The following JAM2 variants were observed in gnomAD, a reference collection of about 807,000 sequenced individuals.
The protein encoded by JAM2 is junctional adhesion molecule 2.
In JAM2, 17 loss-of-function variants were observed where a neutral mutation model predicts 42.0. The ratio of observed to expected loss-of-function variants is 0.40; its 90% confidence interval spans 0.28 to 0.61. JAM2 has a LOEUF of 0.61. Ranked by LOEUF, JAM2 falls within the 20% of genes least tolerant of loss-of-function variation. The pLI, the probability that JAM2 is intolerant of heterozygous loss-of-function variation, is 0.37. For missense variants in JAM2, 319 were observed against 358.3 expected (o/e 0.89, Z 0.89); for synonymous variants, 118 against 128.6 (o/e 0.92, Z 0.56).
intron 1 of JAM2, among the ~76,000 whole-genome samples, chr21:25,656,285 C>T (rs537012954): frequency 1.0e-3 from 155 of 152,314 alleles, no homozygotes; most frequent in African/African-American, 3.5e-3. Flanking sequence ...CACCCCCAGG[C>T]TCCTTCTAAA....
chr21:25,678,471 T>A (rs1457266752), intron 1 of JAM2, among the ~76,000 whole-genome samples: 1 of 152,158 alleles, frequency 6.6e-6, no homozygotes, highest in Non-Finnish European at 1.5e-5. Flanking sequence ...ACAGCTGCTA[T>A]GTGATCAAAG....
chr21:25,677,661 A>T (rs529492183), intron 1 of JAM2, among the ~76,000 whole-genome samples: 2 of 152,212 alleles, frequency 1.3e-5, no homozygotes, highest in Admixed American at 6.5e-5. Context: ...ATGTTTGAAA[A>T]GTTCAAAGGT....
chr21:25,680,214 A>T (rs1016216333), intron 1 of JAM2, among the ~76,000 whole-genome samples: 1 of 152,210 alleles, frequency 6.6e-6, no homozygotes, highest in Non-Finnish European at 1.5e-5. Flanking sequence ...ATGTTTGCCT[A>T]AATTGTGAAT....
At chr21:25,641,357 T>C (rs2032435820) in intron 1 of JAM2, among the ~76,000 whole-genome samples, 1 of 152,142 alleles carries the variant, frequency 6.6e-6, no homozygotes, top group South Asian at 2.1e-4. Context: ...ATCACCAACA[T>C]AGAAACAATA....
rs771745245 is a variant in JAM2 at position 25,693,767 on chromosome 21, A to G, written c.253A>G (p.Asn85Asp). 6.2e-7 allele frequency: 1 copy of G among 1,613,564 alleles called. No homozygotes were observed. The highest frequency in any genetic ancestry group is 8.5e-7 in the Non-Finnish European group (1 of 1,179,638). ...TCTTTTTCTAAAAGGTGATTTTAAA[A>G]ATCGAGCTGAGATGATAGATTTCAA... ...YQQTLQGDFK[N>D]RAEMIDFNIR... Residue 85 changes from asparagine (N) to aspartate (D), a missense_variant, in exon 4 of 10, where the codon AAT becomes GAT. Coordinates refer to ENST00000480456, the MANE Select transcript of JAM2 (RefSeq NM_021219.4).
intron 7 of JAM2, among the ~76,000 whole-genome samples, chr21:25,706,946 G>A (rs951347440): frequency 2.0e-5 from 3 of 151,916 alleles, no homozygotes; most frequent in Admixed American, 6.6e-5. Flanking sequence ...CATCGTGTTA[G>A]CCGGGATGGT....
intron 4 of JAM2, among the ~76,000 whole-genome samples, chr21:25,696,096 A>C (rs547440853): frequency 1.8e-4 from 27 of 152,334 alleles, no homozygotes; most frequent in Admixed American, 1.3e-3. Context: ...AGCCTGGGCA[A>C]CACTGAGCAC....
intron 1 of JAM2, among the ~76,000 whole-genome samples, chr21:25,673,379 A>G (rs1031514897): frequency 2.4e-4 from 36 of 152,202 alleles, no homozygotes; most frequent in African/African-American, 8.4e-4. Flanking sequence ...CTTTATCCTC[A>G]ATTCTGAATC....
intron 1 of JAM2, among the ~76,000 whole-genome samples, chr21:25,666,063 G>A (rs1178867993): frequency 1.3e-5 from 2 of 151,694 alleles, no homozygotes; most frequent in East Asian, 3.9e-4. Context: ...ATAATAAAAT[G>A]TTAATCTCAT....
chr21:25,698,377 T>C (rs1186275296), intron 4 of JAM2, among the ~76,000 whole-genome samples: 2 of 152,234 alleles, frequency 1.3e-5, no homozygotes, highest in Non-Finnish European at 2.9e-5. Flanking sequence ...AGGTTTTTAA[T>C]TAGTCTGGCC....
intron 1 of JAM2, among the ~76,000 whole-genome samples, chr21:25,682,447 C>T (rs1301062568): frequency 6.6e-6 from 1 of 152,196 alleles, no homozygotes; most frequent in Non-Finnish European, 1.5e-5. Context: ...GGGAGAGTTC[C>T]CTGATCCCCC....
At chr21:25,695,857 A>G (rs2034008588) in intron 4 of JAM2, among the ~76,000 whole-genome samples, 1 of 148,996 alleles carries the variant, frequency 6.7e-6, no homozygotes, top group South Asian at 2.1e-4. Flanking sequence ...CGCTTCCCAC[A>G]TCTCAGAAGA....
chr21:25,705,027 A>G (rs2034243295), intron 6 of JAM2, among the ~76,000 whole-genome samples: 1 of 152,222 alleles, frequency 6.6e-6, no homozygotes, highest in African/African-American at 2.4e-5. Flanking sequence ...CAGTTGCATT[A>G]CATTAGAGGA....
intron 7 of JAM2, 25 bp from the exon 8 acceptor site, chr21:25,709,409 A>G: frequency 7.9e-7 from 1 of 1,268,760 alleles, no homozygotes; most frequent in South Asian, 1.4e-5. Flanking sequence ...CCTTGCATTA[A>G]TGATATATAC....
At chr21:25,705,935 G>A (rs766568912) in intron 6 of JAM2, 44 bp from the exon 7 acceptor site, 141 of 1,281,128 alleles carry the variant, frequency 1.1e-4, no homozygotes, top group Non-Finnish European at 1.4e-4. Context: ...GCATCTGTCC[G>A]TGTAATCCAC....
At chr21:25,687,047 A>AT (rs1370329516) in intron 2 of JAM2, among the ~76,000 whole-genome samples, 3 of 152,114 alleles carry the variant, frequency 2.0e-5, no homozygotes, top group Admixed American at 6.5e-5. Flanking sequence ...TTATATCTAT[A>AT]TTTTTTGCTA....
chr21:25,705,457 C>G (rs2034252209), intron 6 of JAM2, among the ~76,000 whole-genome samples: 2 of 151,854 alleles, frequency 1.3e-5, no homozygotes, highest in Non-Finnish European at 2.9e-5. Flanking sequence ...AGGCTGGTCT[C>G]AAATTCCTAG....
At chr21:25,657,958 A>T (rs940862962) in intron 1 of JAM2, among the ~76,000 whole-genome samples, 1 of 152,334 alleles carries the variant, frequency 6.6e-6, no homozygotes, top group Admixed American at 6.5e-5. Context: ...ACTGTATAGC[A>T]TGTTATAAAC....
chr21:25,666,386 G>A (rs538515142), intron 1 of JAM2, among the ~76,000 whole-genome samples: 4 of 150,700 alleles, frequency 2.7e-5, no homozygotes, highest in East Asian at 2.0e-4. Context: ...GTGCAATGGC[G>A]CGATCTCTGC....
Sources: gnomAD v4.1 joint callset for allele counts (sites outside exome capture counted in the v4.1 genomes callset) on GRCh38, gnomAD v4.1.1 for gene constraint, MANE v1.5 for transcripts, NCBI Gene and HGNC (gene_info 2026-07-23, HGNC 2026-07-21) for gene names.